Variants in ACAP2 observed in about 807,000 individuals in gnomAD.
ACAP2 encodes the protein arf-GAP with coiled-coil, ANK repeat and PH domain-containing protein 2.
ACAP2 carries 39 observed loss-of-function variants against 115.8 expected under a neutral mutation model. That is an observed-to-expected ratio of 0.34 (90% CI 0.26 to 0.44). ACAP2 has a LOEUF of 0.44. Ranked by LOEUF, ACAP2 falls within the 20% of genes least tolerant of loss-of-function variation. The pLI is 1.00. For missense variants in ACAP2, 662 were observed against 927.6 expected, an observed-to-expected ratio of 0.71 and a Z score of 3.72; for synonymous variants, 289 against 315.8, an observed-to-expected ratio of 0.92 and a Z score of 0.90.
At chr3:195,304,202 T>G (rs1728271688) in intron 13 of ACAP2, among the ~76,000 whole-genome samples, 1 of 145,502 alleles carries the variant, frequency 6.9e-6, no homozygotes, top group Admixed American at 6.9e-5. Flanking sequence ...AAAACTTCCC[T>G]GTAAGTTTAG....
At chr3:195,405,893 TAAAC>T (rs1361748748) in intron 1 of ACAP2, among the ~76,000 whole-genome samples, 1 of 151,984 alleles carries the variant, frequency 6.6e-6, no homozygotes, top group Non-Finnish European at 1.5e-5. Context: ...TACACATTCT[TAAAC>T]AAACAGATCT....
At chr3:195,360,254 G>GA (rs79322943) in intron 4 of ACAP2, among the ~76,000 whole-genome samples, 2 of 151,246 alleles carry the variant, frequency 1.3e-5, no homozygotes, top group African/African-American at 4.9e-5. Flanking sequence ...CAGACTTCAA[G>GA]AAAAAAAAAT....
At position 195,407,072 on chromosome 3, in the gene ACAP2, G is replaced by C. The variant is rs74503685; in HGVS notation, c.54-14925C>G. Among the ~76,000 whole-genome samples, 501 of 151,762 alleles carry C rather than the reference G, an allele frequency of 3.3e-3. 19 individuals carry two copies. The East Asian group carries it at 0.073, about 22-fold the overall frequency. ...GAAGGAAGGCAGACAGGCAAAAAAA[G>C]GACATTTTCACTTCATAAAAATTTA... is the stretch of plus-strand genomic sequence containing the variant. On this transcript the variant is annotated intron_variant, in intron 1 of 22. Coordinates refer to ENST00000326793, the MANE Select transcript of ACAP2 (RefSeq NM_012287.6).
rs1727333605 is a variant in ACAP2, at chr3:195,292,596, A to G, written c.1766-144T>C. ...GTAAAGATAGCACACTAATGGGAAT[A>G]TACTTAATGCCACTAAACTGTACAC... On this transcript the variant is annotated intron_variant, in intron 18 of 22. Transcript: ENST00000326793. The G allele has an allele frequency of 5.2e-6, 4 of 770,174 alleles. No individual in the cohort carries two copies. The East Asian group carries it at 1.1e-4, about 21-fold the overall frequency. 47.7% of individuals were successfully genotyped at this position (770,174 alleles called of 1,614,324 possible).
At chr3:195,287,530 C>CT (rs1216654426) in intron 21 of ACAP2, among the ~76,000 whole-genome samples, 1 of 152,050 alleles carries the variant, frequency 6.6e-6, no homozygotes, top group African/African-American at 2.4e-5. Flanking sequence ...GTTGCCCAGG[C>CT]TTTTCTCCAG....
At chr3:195,283,373 G>T (rs1226987751) in intron 22 of ACAP2, among the ~76,000 whole-genome samples, 1 of 152,178 alleles carries the variant, frequency 6.6e-6, no homozygotes, top group African/African-American at 2.4e-5. Flanking sequence ...AAGTTCACAA[G>T]TGGGGTTTCC....
Position 195,362,317 on chromosome 3 carries a change from C to CAA in ACAP2, c.286-17002_286-17001dup, listed in dbSNP as rs755987847. On this transcript the variant is annotated intron_variant, in intron 4 of 22. Transcript: ENST00000326793. ...GGCAACAAGAGTGAAAACTCCATCT[C>CAA]AAAAAAAAAAAAAAAAAAATCTTCC... Among the ~76,000 whole-genome samples, 25 of 67,398 alleles carry CAA rather than the reference C, an allele frequency of 3.7e-4. 1 individual carries two copies. In the East Asian group the frequency reaches 4.7e-3, roughly 13 times the overall value. 44.2% of individuals were successfully genotyped at this position (67,398 alleles called of 152,430 possible).
chr3:195,300,739 A>C (rs1727992201), intron 15 of ACAP2, among the ~76,000 whole-genome samples: 1 of 152,206 alleles, frequency 6.6e-6, no homozygotes, highest in Non-Finnish European at 1.5e-5. Context: ...GAACTGGGCC[A>C]AGGGTAGTGG....
At chr3:195,306,856 A>T in intron 12 of ACAP2, 1 of 293,776 alleles carries the variant, frequency 3.4e-6, no homozygotes, top group South Asian at 8.8e-5. Context: ...AATATTTAAA[A>T]AAAAAAAAAA....
At chr3:195,279,659 C>T (rs1262998004) in intron 22 of ACAP2, 1 of 330,630 alleles carries the variant, frequency 3.0e-6, no homozygotes, top group Non-Finnish European at 5.4e-6. Flanking sequence ...CAGAAGAAAG[C>T]TCAGAGTTAG....
chr3:195,405,679 C>T (rs1244693116), intron 1 of ACAP2, among the ~76,000 whole-genome samples: 4 of 150,392 alleles, frequency 2.7e-5, no homozygotes, highest in Admixed American at 6.6e-5. Flanking sequence ...GAGTGAGACT[C>T]CATCTCAAAA....
At chr3:195,317,392 CTCT>C (rs569695825) in intron 10 of ACAP2, among the ~76,000 whole-genome samples, 11 of 152,206 alleles carry the variant, frequency 7.2e-5, no homozygotes, top group East Asian at 1.9e-4. Flanking sequence ...AATTCATATT[CTCT>C]TCAAGTAATA....
At chr3:195,401,231 T>C (rs1712265207) in intron 1 of ACAP2, among the ~76,000 whole-genome samples, 1 of 152,126 alleles carries the variant, frequency 6.6e-6, no homozygotes, top group Non-Finnish European at 1.5e-5. Flanking sequence ...TGCTCAACAA[T>C]CACATCTATA....
At chr3:195,441,173 C>T (rs1483507570) in intron 1 of ACAP2, among the ~76,000 whole-genome samples, 1 of 151,476 alleles carries the variant, frequency 6.6e-6, no homozygotes, top group African/African-American at 2.4e-5. Context: ...GAGTTCAAAG[C>T]TACATCTTCT....
At chr3:195,431,042 T>C (rs919853541) in intron 1 of ACAP2, among the ~76,000 whole-genome samples, 3 of 152,170 alleles carry the variant, frequency 2.0e-5, no homozygotes, top group Non-Finnish European at 4.4e-5. Flanking sequence ...CAACCACTAA[T>C]TGCATTTCCC....
At chr3:195,369,582 G>T (rs1360907631) in intron 4 of ACAP2, among the ~76,000 whole-genome samples, 1 of 152,144 alleles carries the variant, frequency 6.6e-6, no homozygotes, top group Non-Finnish European at 1.5e-5. Flanking sequence ...TGTTCCTACA[G>T]GACATGATCT....
chr3:195,426,979 G>A (rs144951980), intron 1 of ACAP2, among the ~76,000 whole-genome samples: 24 of 139,116 alleles, frequency 1.7e-4, no homozygotes, highest in African/African-American at 5.5e-4. Context: ...CTCAGAACCC[G>A]CAAATACGTT....
At chr3:195,346,629 A>G (rs910906100) in intron 4 of ACAP2, among the ~76,000 whole-genome samples, 2 of 152,204 alleles carry the variant, frequency 1.3e-5, no homozygotes, top group Non-Finnish European at 2.9e-5. Context: ...ATAAAGTTAA[A>G]ATTACATGAA....
At chr3:195,376,244 G>T (rs1004986552) in intron 4 of ACAP2, among the ~76,000 whole-genome samples, 1 of 151,854 alleles carries the variant, frequency 6.6e-6, no homozygotes, top group Non-Finnish European at 1.5e-5. Context: ...AAATATAAAC[G>T]CTAGCCGGGT....
Sources: gnomAD v4.1 joint callset for allele counts (sites outside exome capture counted in the v4.1 genomes callset) on GRCh38, gnomAD v4.1.1 for gene constraint, MANE v1.5 for transcripts, NCBI Gene and HGNC (gene_info 2026-07-23, HGNC 2026-07-21) for gene names.